The following KIAA1958 variants were observed in gnomAD, a reference collection of about 807,000 sequenced individuals.
KIAA1958 encodes uncharacterized protein KIAA1958.
KIAA1958 carries 14 observed loss-of-function variants against 47.2 expected under a neutral mutation model. That is an observed-to-expected ratio of 0.30 (90% CI 0.20 to 0.46). The LOEUF (loss-of-function observed/expected upper bound fraction) is 0.46. KIAA1958 is among the 20% of genes least tolerant of loss of function. KIAA1958 has a pLI of 1.00. For synonymous variants in KIAA1958, 354 were observed against 353.3 expected, an observed-to-expected ratio of 1.00 and a Z score of -0.02; for missense variants, 803 against 909.2, an observed-to-expected ratio of 0.88 and a Z score of 1.50.
chr9:112,656,552 T>C (rs1203147196), intron 3 of KIAA1958, among the ~76,000 whole-genome samples: 1 of 151,978 alleles, frequency 6.6e-6, no homozygotes, highest in East Asian at 1.9e-4. Flanking sequence ...AAAATGAAAA[T>C]TGCTTGTATT....
intron 1 of KIAA1958, among the ~76,000 whole-genome samples, chr9:112,562,477 G>A (rs527861196): frequency 6.6e-6 from 1 of 152,288 alleles, no homozygotes; most frequent in African/African-American, 2.4e-5. Context: ...ACCCAGAAGA[G>A]CCTGTGGGCA....
At chr9:112,538,216 G>A (rs112767481) in intron 1 of KIAA1958, among the ~76,000 whole-genome samples, 86 of 152,212 alleles carry the variant, frequency 5.7e-4, no homozygotes, top group African/African-American at 2.0e-3. Flanking sequence ...GTGATAGCAT[G>A]CATCTGTAGT....
chr9:112,625,341 A>G (rs941173577), intron 2 of KIAA1958, among the ~76,000 whole-genome samples: 1 of 152,104 alleles, frequency 6.6e-6, no homozygotes, highest in South Asian at 2.1e-4. Context: ...TTTTGTAGAC[A>G]TGGGATCTCA....
chr9:112,492,037 T>C (rs762166780), intron 1 of KIAA1958, among the ~76,000 whole-genome samples: 1 of 152,240 alleles, frequency 6.6e-6, no homozygotes, highest in Non-Finnish European at 1.5e-5. Flanking sequence ...TTTTCTGTTA[T>C]AGGACTTCAT....
At chr9:112,493,231 C>T (rs1295881333) in intron 1 of KIAA1958, among the ~76,000 whole-genome samples, 2 of 151,832 alleles carry the variant, frequency 1.3e-5, no homozygotes, top group African/African-American at 2.4e-5. Context: ...GTTCTTTTCA[C>T]GCATGTCTGA....
chr9:112,581,054 T>G (rs889534364), intron 2 of KIAA1958, among the ~76,000 whole-genome samples: 9 of 152,168 alleles, frequency 5.9e-5, no homozygotes, highest in African/African-American at 2.2e-4. Context: ...ATGTGTTTAT[T>G]TATTTTTATT....
Position 112,606,803 on chromosome 9 carries a change from A to G in KIAA1958, c.1171+31552A>G, listed in dbSNP as rs78626279. On this transcript the variant is annotated intron_variant, in intron 2 of 3. Coordinates refer to ENST00000337530, the MANE Select transcript of KIAA1958 (RefSeq NM_133465.4). ...GCATTGTGATTAGAAAGCTTTCAAC[A>G]GACATTTATGGGATCCCTGTAAAAT... Among the ~76,000 whole-genome samples the G allele has an allele frequency of 5.1e-3, 784 of 152,332 alleles. 10 individuals are homozygous for G. The highest frequency in any genetic ancestry group is 0.018 in the African/African-American group (747 of 41,570).
rs1837324689 is a variant in KIAA1958, at chr9:112,664,449, T to G, written c.*4380T>G. On this transcript the variant is annotated 3_prime_UTR_variant, in exon 4 of 4. Transcript: ENST00000337530. ...AGTAGACGTTACCTTTAAGCATCAATGAATGCAAACAGTGAAGACCTCAAA... is the reference window on the plus strand; with the variant it reads ...AGTAGACGTTACCTTTAAGCATCAAGGAATGCAAACAGTGAAGACCTCAAA... 6.6e-6 allele frequency: 1 copy of G among 152,240 alleles called. No individual in the cohort carries two copies. Among genetic ancestry groups the G allele is most frequent in the South Asian group, 2.1e-4 (1 of 4,834 alleles). 9.4% of individuals were successfully genotyped at this position (152,240 alleles called of 1,614,324 possible).
intron 2 of KIAA1958, among the ~76,000 whole-genome samples, chr9:112,609,985 A>G (rs1351139427): frequency 6.6e-6 from 1 of 152,222 alleles, no homozygotes; most frequent in African/African-American, 2.4e-5. Flanking sequence ...GAAAAATCTC[A>G]GTAAAATGTC....
chr9:112,624,613 A>C (rs1370214449), intron 2 of KIAA1958, among the ~76,000 whole-genome samples: 4 of 152,192 alleles, frequency 2.6e-5, no homozygotes, highest in African/African-American at 9.7e-5. Context: ...GACATTTAAA[A>C]TTCCTCATGG....
chr9:112,603,039 GA>G (rs1271039025), intron 2 of KIAA1958, among the ~76,000 whole-genome samples: 2 of 152,070 alleles, frequency 1.3e-5, no homozygotes, highest in African/African-American at 4.8e-5. Flanking sequence ...TAGACCCTGG[GA>G]ATAAAGCAGT....
At chr9:112,568,914 G>C (rs1359088417) in intron 1 of KIAA1958, among the ~76,000 whole-genome samples, 1 of 46,400 alleles carries the variant, frequency 2.2e-5, no homozygotes, top group South Asian at 7.6e-4. Context: ...AAATAGAGCT[G>C]CCAATTTAAG....
intron 1 of KIAA1958, among the ~76,000 whole-genome samples, chr9:112,518,640 T>C (rs1834481499): frequency 6.6e-6 from 1 of 152,186 alleles, no homozygotes. Flanking sequence ...GTTCGTTTTT[T>C]CTAATCATGG....
At chr9:112,627,634 A>G (rs62575201) in intron 2 of KIAA1958, among the ~76,000 whole-genome samples, 12,320 of 152,166 alleles carry the variant, frequency 0.081, 720 homozygotes, top group East Asian at 0.19. Flanking sequence ...CACACCTGTA[A>G]TCCCAGCTAC....
chr9:112,584,339 A>C (rs1410237070), intron 2 of KIAA1958, among the ~76,000 whole-genome samples: 1 of 152,244 alleles, frequency 6.6e-6, no homozygotes, highest in Non-Finnish European at 1.5e-5. Flanking sequence ...CATGGTAAAC[A>C]TACTCTAGCT....
chr9:112,496,634 C>G (rs1332091532), intron 1 of KIAA1958, among the ~76,000 whole-genome samples: 1 of 152,140 alleles, frequency 6.6e-6, no homozygotes, highest in Non-Finnish European at 1.5e-5. Context: ...TGAGATTAAC[C>G]TCCTCTGGGT....
At chr9:112,643,013 G>T (rs114398715) in intron 2 of KIAA1958, among the ~76,000 whole-genome samples, 4 of 152,054 alleles carry the variant, frequency 2.6e-5, no homozygotes, top group Non-Finnish European at 5.9e-5. Context: ...ATTATTTAGC[G>T]GTTTAATGTG....
intron 1 of KIAA1958, among the ~76,000 whole-genome samples, chr9:112,541,528 G>A (rs1384981648): frequency 6.6e-6 from 1 of 152,154 alleles, no homozygotes; most frequent in Admixed American, 6.5e-5. Flanking sequence ...CAAAGACTGG[G>A]TATGGCAGCT....
At chr9:112,492,936 T>TG (rs397760274) in intron 1 of KIAA1958, among the ~76,000 whole-genome samples, 2 of 149,012 alleles carry the variant, frequency 1.3e-5, no homozygotes, top group African/African-American at 5.0e-5. Context: ...TTTTTTTTTT[T>TG]GTAGAGATGA....
Sources: gnomAD v4.1 joint callset for allele counts (sites outside exome capture counted in the v4.1 genomes callset) on GRCh38, gnomAD v4.1.1 for gene constraint, MANE v1.5 for transcripts, NCBI Gene and HGNC (gene_info 2026-07-23, HGNC 2026-07-21) for gene names.